Variants in LRFN5 observed in about 807,000 individuals in gnomAD.
LRFN5 encodes the protein leucine-rich repeat and fibronectin type-III domain-containing protein 5.
LRFN5 carries 24 observed loss-of-function variants against 45.6 expected under a neutral mutation model. That is an observed-to-expected ratio of 0.53 (90% CI 0.38 to 0.74). The LOEUF (loss-of-function observed/expected upper bound fraction) is 0.74, where lower values mean the gene tolerates loss of function less well. Ranked by LOEUF, LRFN5 falls within the 30% of genes least tolerant of loss-of-function variation. LRFN5 has a pLI of 0.00. For missense variants in LRFN5, 776 were observed against 861.5 expected (o/e 0.90, Z 1.24); for synonymous variants, 340 against 313.8 (o/e 1.08, Z -0.88).
At chr14:41,862,930 T>C (rs1416362876) in intron 2 of LRFN5, among the ~76,000 whole-genome samples, 1 of 145,860 alleles carries the variant, frequency 6.9e-6, no homozygotes, top group Non-Finnish European at 1.5e-5. Context: ...AGTGGCGCAA[T>C]CTCAGCTCAC....
chr14:41,875,154 T>C (rs1356487853), intron 2 of LRFN5, among the ~76,000 whole-genome samples: 2 of 152,254 alleles, frequency 1.3e-5, no homozygotes, highest in African/African-American at 4.8e-5. Flanking sequence ...TTTTAATTAA[T>C]TGAAGTTTTA....
At chr14:41,784,770 A>C (rs1235691653) in intron 2 of LRFN5, among the ~76,000 whole-genome samples, 1 of 152,060 alleles carries the variant, frequency 6.6e-6, no homozygotes, top group Non-Finnish European at 1.5e-5. Context: ...CTGGGATTAC[A>C]GGTACGCACC....
chr14:41,682,293 A>G (rs1400232195), intron 1 of LRFN5, among the ~76,000 whole-genome samples: 1 of 151,992 alleles, frequency 6.6e-6, no homozygotes, highest in African/African-American at 2.4e-5. Flanking sequence ...CGACTTGTCA[A>G]GACATAGACA....
intron 2 of LRFN5, among the ~76,000 whole-genome samples, chr14:41,805,686 A>C (rs1887502198): frequency 6.6e-6 from 1 of 151,958 alleles, no homozygotes; most frequent in African/African-American, 2.4e-5. Context: ...ACATGGATGA[A>C]ATTGGAAATC....
chr14:41,880,901 G>A (rs540556807), intron 2 of LRFN5, among the ~76,000 whole-genome samples: 1 of 152,114 alleles, frequency 6.6e-6, no homozygotes, highest in Admixed American at 6.5e-5. Flanking sequence ...CTCATATACT[G>A]TTTGCCTTTT....
At position 41,610,661 on chromosome 14, in the gene LRFN5, T is replaced by TAAAAAAAAAAAAAAAAAAAAAAAAAAA. The variant is rs199770856; in HGVS notation, c.-197+2121_-197+2122insAAAAAAAAAAAAAAAAAAAAAAAAAAA. ...TACCCCTCTGAGGTCCCAGGGAAGG[T>TAAAAAAAAAAAAAAAAAAAAAAAAAAA]AAAAAAAAAAAAAAAAAAAAAAGTG... is the stretch of plus-strand genomic sequence containing the variant. On this transcript the variant is annotated intron_variant, in intron 1 of 5. Coordinates refer to ENST00000298119, the MANE Select transcript of LRFN5 (RefSeq NM_152447.5). Among the ~76,000 whole-genome samples the TAAAAAAAAAAAAAAAAAAAAAAAAAAA allele has an allele frequency of 2.1e-3, 79 of 37,340 alleles. 21 individuals carry two copies. The highest frequency in any genetic ancestry group is 3.7e-3 in the Non-Finnish European group (55 of 14,722). 24.5% of individuals were successfully genotyped at this position (37,340 alleles called of 152,430 possible).
chr14:41,668,573 T>TAATTAA (rs768490881), intron 1 of LRFN5, among the ~76,000 whole-genome samples: 32 of 152,188 alleles, frequency 2.1e-4, no homozygotes, highest in Non-Finnish European at 4.0e-4. Context: ...CATCTGCTGT[T>TAATTAA]AATTACACAT....
At chr14:41,864,619 G>T (rs960712042) in intron 2 of LRFN5, among the ~76,000 whole-genome samples, 1 of 152,070 alleles carries the variant, frequency 6.6e-6, no homozygotes, top group Non-Finnish European at 1.5e-5. Flanking sequence ...ACCAAATAAG[G>T]TCACATTCTG....
At chr14:41,852,001 T>C (rs1889284047) in intron 2 of LRFN5, among the ~76,000 whole-genome samples, 1 of 151,790 alleles carries the variant, frequency 6.6e-6, no homozygotes, top group South Asian at 2.1e-4. Flanking sequence ...AAAGAGAATC[T>C]TTGTGGAACC....
At chr14:41,748,631 A>G (rs184262230) in intron 1 of LRFN5, among the ~76,000 whole-genome samples, 96 of 152,222 alleles carry the variant, frequency 6.3e-4, no homozygotes, top group African/African-American at 2.2e-3. Context: ...ATTGTGCACT[A>G]AAAACTATTA....
intron 1 of LRFN5, among the ~76,000 whole-genome samples, chr14:41,754,047 T>A (rs1460221508): frequency 2.6e-5 from 4 of 152,180 alleles, no homozygotes; most frequent in African/African-American, 9.7e-5. Context: ...TTTGGTTCTG[T>A]TTGTATGCTG....
At chr14:41,642,723 T>C (rs919712871) in intron 1 of LRFN5, among the ~76,000 whole-genome samples, 2 of 152,230 alleles carry the variant, frequency 1.3e-5, no homozygotes, top group African/African-American at 4.8e-5. Context: ...ATACATCTCA[T>C]GATTCATGGG....
At chr14:41,753,031 C>T (rs1248105895) in intron 1 of LRFN5, among the ~76,000 whole-genome samples, 2 of 152,160 alleles carry the variant, frequency 1.3e-5, no homozygotes, top group Non-Finnish European at 2.9e-5. Context: ...GAAACCTTCC[C>T]CCATTTCTTG....
chr14:41,673,546 G>A (rs1280247973), intron 1 of LRFN5, among the ~76,000 whole-genome samples: 17 of 146,594 alleles, frequency 1.2e-4, no homozygotes, highest in East Asian at 4.2e-4. Context: ...CTCACCTCCC[G>A]GACGGGGCGG....
At chr14:41,841,458 C>CA (rs1285535981) in intron 2 of LRFN5, among the ~76,000 whole-genome samples, 7 of 152,074 alleles carry the variant, frequency 4.6e-5, no homozygotes, top group African/African-American at 1.7e-4. Flanking sequence ...TAAATGCTCA[C>CA]AGATGACATT....
At chr14:41,653,445 A>G (rs1350500254) in intron 1 of LRFN5, among the ~76,000 whole-genome samples, 1 of 152,096 alleles carries the variant, frequency 6.6e-6, no homozygotes, top group East Asian at 1.9e-4. Context: ...TTCAGCCTCC[A>G]GAATTATGAG....
intron 2 of LRFN5, among the ~76,000 whole-genome samples, chr14:41,780,939 A>G (rs1395666044): frequency 6.6e-6 from 1 of 152,164 alleles, no homozygotes; most frequent in East Asian, 1.9e-4. Flanking sequence ...CCAGATAGTT[A>G]GCAACAGAAT....
At chr14:41,671,770 C>T (rs145518546) in intron 1 of LRFN5, among the ~76,000 whole-genome samples, 88 of 152,010 alleles carry the variant, frequency 5.8e-4, no homozygotes, top group African/African-American at 1.6e-3. Context: ...AGGTGTGCAC[C>T]ATCATGCCCG....
intron 1 of LRFN5, among the ~76,000 whole-genome samples, chr14:41,630,407 C>T (rs116967992): frequency 0.048 from 7,370 of 152,060 alleles, 261 homozygotes; most frequent in Non-Finnish European, 0.072. Flanking sequence ...AATTGCTGAT[C>T]CTATTTAAGG....
Sources: allele counts gnomAD v4.1 joint callset (sites outside exome capture counted in the v4.1 genomes callset), GRCh38; gene constraint gnomAD v4.1.1; transcripts MANE v1.5; gene names NCBI Gene and HGNC (gene_info 2026-07-23, HGNC 2026-07-21).